Variants in DOCK6 observed in about 807,000 individuals in gnomAD.
The protein encoded by DOCK6 is dedicator of cytokinesis protein 6.
A neutral mutation model predicts 230.3 loss-of-function variants in DOCK6; 167 were observed. That is an observed-to-expected ratio of 0.73 (90% CI 0.64 to 0.82). DOCK6 has a LOEUF of 0.82. Ranked by LOEUF, DOCK6 falls within the 40% of genes least tolerant of loss-of-function variation. The probability of loss-of-function intolerance (pLI) is 0.00; values close to 1 mark genes in which losing one functional copy is unlikely to be tolerated. For synonymous variants in DOCK6, 1,148 were observed against 1,185.0 expected, an observed-to-expected ratio of 0.97 and a Z score of 0.64; for missense variants, 2,598 against 2,825.8, an observed-to-expected ratio of 0.92 and a Z score of 1.83.
intron 14 of DOCK6, among the ~76,000 whole-genome samples, chr19:11,240,872 T>C (rs978994895): frequency 2.0e-5 from 3 of 151,268 alleles, no homozygotes; most frequent in African/African-American, 7.3e-5. Flanking sequence ...ACCTGGCCAA[T>C]AAATTCTTAC....
Position 11,202,349 on chromosome 19 carries a change from G to T in DOCK6, c.5451+45C>A. 1.3e-6 allele frequency: 2 copies of T among 1,592,334 alleles called. No individual in the cohort carries two copies. Among genetic ancestry groups the T allele is most frequent in the Non-Finnish European group, 1.7e-6 (2 of 1,167,786 alleles). ...GGGTCCCCAGGAAACAGCACTTGGA[G>T]TCTCTGTGAATCTAAGATTTTGGGG... On this transcript the variant is annotated intron_variant, in intron 43 of 47. Transcript: ENST00000294618. The surrounding 1 kb of genome is among the most constrained non-coding windows in gnomAD (Gnocchi z 5.3).
chr19:11,221,773 C>A, intron 28 of DOCK6, 78 bp downstream of exon 28: 1 of 1,603,368 alleles, frequency 6.2e-7, no homozygotes, highest in South Asian at 1.1e-5. Flanking sequence ...TGACTGTGTT[C>A]TCCCACCTTT....
chr19:11,235,327 G>A (rs1374113059), intron 21 of DOCK6, among the ~76,000 whole-genome samples: 2 of 152,034 alleles, frequency 1.3e-5, no homozygotes, highest in African/African-American at 4.8e-5. Context: ...GGCTGGTCTT[G>A]AACTCCTGAC....
In DOCK6 at chr19:11,245,839, A is replaced by G. The variant is rs1269465819; in HGVS notation, c.846T>C (p.Ala282=). Residue 282 remains alanine, a synonymous_variant, in exon 8 of 48, where the codon GCT becomes GCC. Transcript: ENST00000294618. ...IEIEPIFGIL[A]LYDVREKKKI... is the part of the protein sequence containing the mutation. ...TCTTTTTCTCCCGCACATCATACAG[A>G]GCCAAGATCCCAAAGATGGGCTCAA... The G allele has an allele frequency of 1.9e-6, 3 of 1,571,952 alleles. No individual in the cohort carries two copies. The East Asian group carries it at 7.0e-5, about 37-fold the overall frequency.
intron 34 of DOCK6, among the ~76,000 whole-genome samples, chr19:11,213,909 C>G (rs1442088929): frequency 1.3e-5 from 2 of 151,194 alleles, no homozygotes; most frequent in Non-Finnish European, 2.9e-5. Context: ...TGATCCTCAG[C>G]CTTCCGAGTA....
intron 6 of DOCK6, 58 bp from the exon 7 acceptor site, chr19:11,248,209 G>T: frequency 7.3e-7 from 1 of 1,372,570 alleles, no homozygotes; most frequent in Non-Finnish European, 1.0e-6. Flanking sequence ...CTCCAGGAAG[G>T]GTCTGGAATG....
chr19:11,208,469 CAG>C (rs977330827), intron 39 of DOCK6: 6 of 502,908 alleles, frequency 1.2e-5, no homozygotes, highest in African/African-American at 1.2e-4. Flanking sequence ...TTAGTAGAGA[CAG>C]GGTTTCACCA....
At chr19:11,204,997 GC>G (rs1194000667) in intron 39 of DOCK6, among the ~76,000 whole-genome samples, 1 of 152,160 alleles carries the variant, frequency 6.6e-6, no homozygotes, top group Non-Finnish European at 1.5e-5. Flanking sequence ...ATTCCCCAGG[GC>G]CAAGACCCAA....
Position 11,262,465 on chromosome 19 carries a change from C to T in DOCK6, c.-25G>A, listed in dbSNP as rs1366404934. 6 of 1,155,336 alleles carry T rather than the reference C, an allele frequency of 5.2e-6. No individual in the cohort carries two copies. Among genetic ancestry groups the T allele is most frequent in the Non-Finnish European group, 6.4e-6 (6 of 940,418 alleles). 71.6% of individuals were successfully genotyped at this position (1,155,336 alleles called of 1,614,324 possible). On this transcript the variant is annotated 5_prime_UTR_variant, in exon 1 of 48. Transcript: ENST00000294618. ...TGGTCCTCGCGTCCCGCCGCCGCCG[C>T]CCCGGGCCCCGGCCCCGCCGCCGCC...
At position 11,215,490 on chromosome 19, in the gene DOCK6, C is replaced by A. The variant is rs760801178; in HGVS notation, c.4022-19G>T. On this transcript the variant is annotated intron_variant, in intron 31 of 47. Transcript: ENST00000294618. ...CTCCTCTCTGAGACGCGTGGGTGCA[C>A]GATCACAGATGCGTAAAAACACAGG... 1.2e-6 allele frequency: 2 copies of A among 1,604,158 alleles called. No homozygotes were observed. Among genetic ancestry groups the A allele is most frequent in the Non-Finnish European group, 1.7e-6 (2 of 1,172,310 alleles).
chr19:11,221,037 G>A (rs908265381), intron 28 of DOCK6: 1 of 152,046 alleles, frequency 6.6e-6, no homozygotes, highest in African/African-American at 2.4e-5. Context: ...TGTTAGCCAG[G>A]ATGGTCTCGA....
intron 1 of DOCK6, among the ~76,000 whole-genome samples, chr19:11,262,194 C>T (rs1178248613): frequency 1.1e-4 from 16 of 152,016 alleles, no homozygotes; most frequent in Non-Finnish European, 2.4e-4. Flanking sequence ...CCCGACGCGA[C>T]TCCCATCTGG....
chr19:11,244,450 G>GTTTT (rs1252244512), intron 9 of DOCK6, among the ~76,000 whole-genome samples: 2 of 68,320 alleles, frequency 2.9e-5, no homozygotes, highest in African/African-American at 7.3e-5. Flanking sequence ...ACCACACCTG[G>GTTTT]CTTTTTTTTT....
Position 11,214,379 on chromosome 19 carries a change from C to A in DOCK6, c.4234G>T (p.Val1412Phe). ...TVMLSEARESVLGAVLKVVLY... is the reference protein window; with the variant it reads ...TVMLSEARESFLGAVLKVVLY... ...ACAACCTTCAGCACTGCCCCCAAGA[C>A]GCTCTCCCGGGCTTCTGAAAGCATC... The change falls in exon 34 of 48, where the codon GTC becomes TTC. Residue 1412 changes from valine (V) to phenylalanine (F), a missense_variant. Val to Phe is a conservative substitution (Grantham distance 50). Coordinates refer to ENST00000294618, the MANE Select transcript of DOCK6 (RefSeq NM_020812.4). The A allele has an allele frequency of 6.2e-7, 1 of 1,613,586 alleles. No individual in the cohort carries two copies.
rs752483962 is a variant in DOCK6 at position 11,250,892 on chromosome 19, G to A, written c.702C>T (p.Leu234=). The A allele has an allele frequency of 1.9e-6, 3 of 1,601,274 alleles. 1 individual carries two copies. In the South Asian group the frequency reaches 3.3e-5, roughly 18 times the overall value. The change falls in exon 6 of 48, where the codon CTC becomes CTT. Residue 234 remains leucine, a synonymous_variant. Transcript: ENST00000294618. ...CACCCACCTCGTCAGGTGCCGGGTA[G>A]AGGGTGAGCAGGGCCGGGGGCCGGT... ...RQHRPPALLT[L]YPAPDEDEAV...
rs1016142828 is a variant in DOCK6 at position 11,228,346 on chromosome 19, A to G, written c.2814+594T>C. Among the ~76,000 whole-genome samples the G allele has an allele frequency of 3.9e-5, 6 of 151,946 alleles. 1 individual carries two copies. Among genetic ancestry groups the G allele is most frequent in the Non-Finnish European group, 4.4e-5 (3 of 67,978 alleles). The stretch of plus-strand genomic sequence containing the variant: ...CTCTCTATCCAGGAATATCTCCTGC[A>G]GGATGCAGGTCTCCTGTCTAGGTGA... On this transcript the variant is annotated intron_variant, in intron 23 of 47. Transcript: ENST00000294618.
At position 11,250,895 on chromosome 19, in the gene DOCK6, G is replaced by C. The variant is rs756052479; in HGVS notation, c.699C>G (p.Thr233=). 3.1e-6 allele frequency: 5 copies of C among 1,602,822 alleles called. No homozygotes were observed. The highest frequency in any genetic ancestry group is 1.3e-5 in the African/African-American group (1 of 74,738). The change falls in exon 6 of 48, where the codon ACC becomes ACG. Residue 233 remains threonine, a synonymous_variant. Transcript: ENST00000294618. ...RRQHRPPALL[T]LYPAPDEDEA... ...CCACCTCGTCAGGTGCCGGGTAGAGGGTGAGCAGGGCCGGGGGCCGGTGCT... is the reference window on the plus strand; with the variant it reads ...CCACCTCGTCAGGTGCCGGGTAGAGCGTGAGCAGGGCCGGGGGCCGGTGCT...
At chr19:11,233,497 G>C in intron 21 of DOCK6, 131 bp from the exon 22 acceptor site, 2 of 1,171,574 alleles carry the variant, frequency 1.7e-6, no homozygotes, top group Non-Finnish European at 1.2e-6. Flanking sequence ...CTATAAAATA[G>C]GCATAATGGC....
intron 37 of DOCK6, 136 bp from the exon 38 acceptor site, chr19:11,209,239 A>G: frequency 1.0e-6 from 1 of 982,058 alleles, no homozygotes; most frequent in Non-Finnish European, 1.5e-6. Flanking sequence ...CCTGTACCCC[A>G]TCCCCTCACT....
Sources: gnomAD v4.1 joint callset for allele counts (sites outside exome capture counted in the v4.1 genomes callset) on GRCh38, gnomAD v4.1.1 for gene constraint, Gnocchi (gnomAD v3.1) non-coding constraint, MANE v1.5 for transcripts, NCBI Gene and HGNC (gene_info 2026-07-23, HGNC 2026-07-21) for gene names.